BCHE: variants seen among roughly 807,000 people sequenced by gnomAD.
BCHE encodes the protein butyrylcholinesterase.
Under a neutral mutation model 51.3 loss-of-function variants are expected in BCHE, and 48 were observed. The observed-to-expected ratio is 0.94, with a 90% CI of 0.74 to 1.19. The LOEUF (loss-of-function observed/expected upper bound fraction) is 1.19. Among genes scored for constraint, BCHE ranks in the 50% most tolerant of loss-of-function variants. The pLI, the probability that BCHE is intolerant of heterozygous loss-of-function variation, is 0.00. For missense variants in BCHE, 847 were observed against 708.2 expected (o/e 1.20, Z -2.23); for synonymous variants, 251 against 238.0 (o/e 1.05, Z -0.50).
chr3:165,792,461 G>A (rs187089374), intron 2 of BCHE, among the ~76,000 whole-genome samples: 33 of 152,136 alleles, frequency 2.2e-4, no homozygotes, highest in African/African-American at 5.3e-4. Flanking sequence ...GCTGAATTGC[G>A]ACATCATAAA....
In BCHE at chr3:165,830,117, AATGCTTC is replaced by A; in HGVS notation, c.910_916del (p.Glu304LeufsTer11). 6.2e-7 allele frequency: 1 copy of A among 1,613,930 alleles called. No homozygotes were observed. The highest frequency in any genetic ancestry group is 8.5e-7 in the Non-Finnish European group (1 of 1,179,902). ...CAAAGGAGTCCCATAGGGGACAACA[AATGCTTC>A]ATTCAGAAGAATTTCTTGGGGATCT... is the stretch of plus-strand genomic sequence containing the variant. On this transcript the variant is annotated frameshift_variant, in exon 2 of 4. Transcript: ENST00000264381. LOFTEE classifies it high-confidence loss of function.
At chr3:165,781,783 A>C (rs1189421502) in intron 3 of BCHE, among the ~76,000 whole-genome samples, 1 of 152,178 alleles carries the variant, frequency 6.6e-6, no homozygotes, top group African/African-American at 2.4e-5. Flanking sequence ...ATTCTGCAAA[A>C]GACCAAATGG....
At chr3:165,809,591 C>A (rs16849671) in intron 2 of BCHE, among the ~76,000 whole-genome samples, 14,660 of 152,002 alleles carry the variant, frequency 0.096, 771 homozygotes, top group Admixed American at 0.14. Flanking sequence ...AGATCCATTG[C>A]ACAAATTTAT....
At position 165,773,481 on chromosome 3, in the gene BCHE, C is replaced by T. The variant is rs1370359525; in HGVS notation, c.1710G>A (p.Glu570=). The T allele has an allele frequency of 2.5e-6, 4 of 1,608,106 alleles. No individual in the cohort carries two copies. The Admixed American group carries it at 6.7e-5, about 27-fold the overall frequency. Residue 570 remains glutamate (E), a synonymous_variant, in exon 4 of 4, where the codon GAG becomes GAA. Transcript: ENST00000264381. ...TCCAGCGATGGAATCCTGCTTTCCA[C>T]TCCCATTCTGCTTCATCAATATTTC... ...MTGNIDEAEW[E]WKAGFHRWNN... is the part of the protein sequence containing the mutation.
chr3:165,830,007 T>C lies in BCHE; in HGVS notation c.1027A>G (p.Thr343Ala). The C allele has an allele frequency of 6.2e-7, 1 of 1,613,674 alleles. No individual in the cohort carries two copies. The highest frequency in any genetic ancestry group is 8.5e-7 in the Non-Finnish European group (1 of 1,179,836). The part of the protein sequence containing the change: ...ILLELGQFKK[T>A]QILVGVNKDE... ...TTATTAACACCCACCAAAATCTGGGTTTTTTTAAATTGTCCAAGTTCAAGT... is the reference window on the plus strand; with the variant it reads ...TTATTAACACCCACCAAAATCTGGGCTTTTTTAAATTGTCCAAGTTCAAGT... The change falls in exon 2 of 4, where the codon ACC becomes GCC. Residue 343 changes from threonine (T) to alanine (A), a missense_variant. Physicochemically the swap from Thr to Ala is moderately conservative, Grantham distance 58. Coordinates refer to ENST00000264381, the MANE Select transcript of BCHE (RefSeq NM_000055.4).
chr3:165,779,577 C>A (rs1252575894), intron 3 of BCHE, among the ~76,000 whole-genome samples: 15 of 152,062 alleles, frequency 9.9e-5, no homozygotes, highest in Admixed American at 9.8e-4. Context: ...TCTCAGTGTA[C>A]AAAATCAATG....
chr3:165,807,004 G>A (rs1037553423), intron 2 of BCHE, among the ~76,000 whole-genome samples: 2 of 151,936 alleles, frequency 1.3e-5, no homozygotes, highest in African/African-American at 4.8e-5. Flanking sequence ...AACTATGATC[G>A]ATCATATTTT....
intron 2 of BCHE, among the ~76,000 whole-genome samples, chr3:165,798,230 A>C (rs1474851151): frequency 6.6e-6 from 1 of 152,094 alleles, no homozygotes; most frequent in Non-Finnish European, 1.5e-5. Flanking sequence ...TACACTTGAA[A>C]CTACAGCGTA....
rs1269969899 is a variant in BCHE at position 165,786,325 on chromosome 3, T to C, written c.1518-14A>G. On this transcript the variant is annotated splice_polypyrimidine_tract_variant and intron_variant, in intron 2 of 3. Coordinates refer to ENST00000264381, the MANE Select transcript of BCHE (RefSeq NM_000055.4). ...TCATTTGGATTCCTAAATAATAAAA[T>C]AGAGACATTATAGTAAAATTGAAAT... is the stretch of plus-strand genomic sequence containing the variant. The C allele has an allele frequency of 2.5e-6, 4 of 1,597,692 alleles. No individual in the cohort carries two copies. The highest frequency in any genetic ancestry group is 2.2e-5 in the East Asian group (1 of 44,484).
At chr3:165,826,777 A>T (rs1714737795) in intron 2 of BCHE, among the ~76,000 whole-genome samples, 1 of 152,156 alleles carries the variant, frequency 6.6e-6, no homozygotes, top group African/African-American at 2.4e-5. Context: ...CCTTAATAAG[A>T]CATTTTGAAG....
chr3:165,777,795 C>T, intron 3 of BCHE: 1 of 453,048 alleles, frequency 2.2e-6, no homozygotes, highest in East Asian at 7.0e-5. Flanking sequence ...TACTCCTCAG[C>T]CTACTCAATG....
At chr3:165,806,233 T>A (rs757913175) in intron 2 of BCHE, among the ~76,000 whole-genome samples, 3 of 152,208 alleles carry the variant, frequency 2.0e-5, no homozygotes, top group Non-Finnish European at 4.4e-5. Flanking sequence ...ACTCCCCAGA[T>A]TCATGTCTCC....
rs76994284 is a variant in BCHE at position 165,819,949 on chromosome 3, T to C, written c.1517+9568A>G. 5.8e-4 allele frequency among the ~76,000 whole-genome samples: 89 copies of C among 152,298 alleles called. No homozygotes were observed. The East Asian group carries it at 0.017, about 29-fold the overall frequency. ...TTTCTAAAAAAATGATTTATTAATA[T>C]TAGACTGAATTTAATATGTACAAGT... On this transcript the variant is annotated intron_variant, in intron 2 of 3. Transcript: ENST00000264381.
rs534204215 is a variant in BCHE, at chr3:165,799,425, G to A, written c.1518-13114C>T. Among the ~76,000 whole-genome samples, 88 of 151,950 alleles carry A rather than the reference G, an allele frequency of 5.8e-4. 2 individuals carry two copies. The highest frequency in any genetic ancestry group is 5.2e-3 in the Admixed American group (79 of 15,258). On this transcript the variant is annotated intron_variant, in intron 2 of 3. Transcript: ENST00000264381. ...ACACAGTGTCTAATATGCAATGAGGGGATTTTAGGTAATGTAATGAATTTA... is the reference window on the plus strand; with the variant it reads ...ACACAGTGTCTAATATGCAATGAGGAGATTTTAGGTAATGTAATGAATTTA...
At chr3:165,807,072 G>T (rs9812633) in intron 2 of BCHE, among the ~76,000 whole-genome samples, 89,422 of 151,728 alleles carry the variant, frequency 0.59, 31,026 homozygotes, top group East Asian at 0.78. Context: ...AAATGTAAAT[G>T]GTATCTAATT....
At chr3:165,791,571 A>C (rs1009993944) in intron 2 of BCHE, among the ~76,000 whole-genome samples, 1 of 152,160 alleles carries the variant, frequency 6.6e-6, no homozygotes, top group Non-Finnish European at 1.5e-5. Context: ...GATTCCAAAG[A>C]TTCTGGCCTG....
In BCHE at chr3:165,773,390, C is replaced by A. The variant is rs748586820; in HGVS notation, c.1801G>T (p.Gly601Cys). Reference protein sequence around the residue: ...DYTSKKESCVGL With the variant: ...DYTSKKESCVCL ...AAGGGTAAATCTATTAATTAGAGAC[C>A]CACACAACTTTCTTTCTTGCTAGTG... The change falls in exon 4 of 4, where the codon GGT (glycine) becomes TGT (cysteine). Residue 601 changes from glycine to cysteine, a missense_variant. By Grantham distance (159) the Gly-to-Cys change is radical. Transcript: ENST00000264381. 2 of 1,610,070 alleles carry A rather than the reference C, an allele frequency of 1.2e-6. No homozygotes were observed. Among genetic ancestry groups the A allele is most frequent in the South Asian group, 2.2e-5 (2 of 90,830 alleles).
chr3:165,776,980 A>C (rs1712496779), intron 3 of BCHE, among the ~76,000 whole-genome samples: 1 of 151,868 alleles, frequency 6.6e-6, no homozygotes, highest in Non-Finnish European at 1.5e-5. Context: ...AGAGAAGTGA[A>C]GATAAAAGGA....
chr3:165,811,493 C>T (rs1714092504), intron 2 of BCHE, among the ~76,000 whole-genome samples: 1 of 151,782 alleles, frequency 6.6e-6, no homozygotes, highest in Non-Finnish European at 1.5e-5. Context: ...TTATTTTAAA[C>T]ATAAGGGAGG....
Sources: gnomAD v4.1 joint callset for allele counts (sites outside exome capture counted in the v4.1 genomes callset) on GRCh38, gnomAD v4.1.1 for gene constraint, MANE v1.5 for transcripts, NCBI Gene and HGNC (gene_info 2026-07-23, HGNC 2026-07-21) for gene names.